SLC2A9: variants seen among roughly 807,000 people sequenced by gnomAD.
The protein encoded by SLC2A9 is solute carrier family 2, facilitated glucose transporter member 9.
SLC2A9 carries 39 observed loss-of-function variants against 50.6 expected under a neutral mutation model. That is an observed-to-expected ratio of 0.77 (90% CI 0.60 to 1.01). SLC2A9 has a LOEUF of 1.01. Ranked by LOEUF, SLC2A9 falls within the 50% of genes least tolerant of loss-of-function variation. SLC2A9 has a pLI of 0.00. For missense variants in SLC2A9, 686 were observed against 677.6 expected, an observed-to-expected ratio of 1.01 and a Z score of -0.14; for synonymous variants, 324 against 276.9, an observed-to-expected ratio of 1.17 and a Z score of -1.69.
intron 1 of SLC2A9, among the ~76,000 whole-genome samples, chr4:9,772,725 G>T (rs1194164652): frequency 6.6e-6 from 1 of 152,118 alleles, no homozygotes; most frequent in Admixed American, 6.5e-5. Context: ...AAAAAAACTT[G>T]ACCAATACAG....
At chr4:9,797,314 G>C (rs998515845), downstream of SLC2A9, among the ~76,000 whole-genome samples, 1 of 152,186 alleles carries the variant, frequency 6.6e-6, no homozygotes, top group Non-Finnish European at 1.5e-5. Context: ...ACTCAGAGAG[G>C]TTCAGTAATT....
rs149028152 is a variant in SLC2A9 at position 9,888,846 on chromosome 4, G to T, written c.1216-1204C>A. On this transcript the variant is annotated intron_variant, in intron 9 of 11. Coordinates refer to ENST00000264784, the MANE Select transcript of SLC2A9 (RefSeq NM_020041.3). ...CCTTGTTCTATGTCCAAATCCATTA[G>T]CTTTAGGGGTTGAGAGGAGCTTCAT... is the stretch of plus-strand genomic sequence containing the variant. Among the ~76,000 whole-genome samples, 118 of 152,236 alleles carry T rather than the reference G, an allele frequency of 7.8e-4. 2 individuals are homozygous for T. The East Asian group carries it at 0.019, about 24-fold the overall frequency.
downstream of SLC2A9, among the ~76,000 whole-genome samples, chr4:9,778,011 TG>T (rs1340626008): frequency 6.6e-6 from 1 of 152,138 alleles, no homozygotes; most frequent in African/African-American, 2.4e-5. Context: ...CAAACTGAAA[TG>T]TTTTACTTGC....
chr4:9,911,201 C>T lies in SLC2A9; in HGVS notation c.1003-2856G>A, dbSNP rs73225881. ...ATATTTAGTCTTATATTCATTCATG[C>T]ACCAAAAGGCAGAAATCAGTCCACA... On this transcript the variant is annotated intron_variant, in intron 7 of 11. Transcript: ENST00000264784. Among the ~76,000 whole-genome samples the T allele has an allele frequency of 5.4e-3, 829 of 152,210 alleles. 11 individuals are homozygous for T. The highest frequency in any genetic ancestry group is 8.6e-3 in the Non-Finnish European group (582 of 68,020).
intron 3 of SLC2A9, chr4:9,782,986 C>T (rs775320459): frequency 2.5e-6 from 4 of 1,614,226 alleles, no homozygotes; most frequent in Middle Eastern, 1.7e-4. Flanking sequence ...ACTGCATGGT[C>T]CCTTTCTGCA....
chr4:9,796,574 A>G (rs1051104249), downstream of SLC2A9, among the ~76,000 whole-genome samples: 1 of 152,206 alleles, frequency 6.6e-6, no homozygotes, highest in African/African-American at 2.4e-5. Flanking sequence ...AACTTTATAC[A>G]ATGTATTAGT....
intron 1 of SLC2A9, among the ~76,000 whole-genome samples, chr4:9,774,616 T>A (rs889281884): frequency 6.6e-6 from 1 of 152,176 alleles, no homozygotes; most frequent in Non-Finnish European, 1.5e-5. Flanking sequence ...TAGACATGTT[T>A]CAGCTAAAGG....
At chr4:9,985,872 C>T in intron 3 of SLC2A9, 79 bp from the exon 4 acceptor site, 1 of 1,599,144 alleles carries the variant, frequency 6.3e-7, no homozygotes, top group South Asian at 1.1e-5. Flanking sequence ...GGAGCAGGAG[C>T]CAGGCCCTTC....
intron 10 of SLC2A9, among the ~76,000 whole-genome samples, chr4:9,847,603 G>A (rs549751424): frequency 3.3e-5 from 5 of 152,316 alleles, no homozygotes; most frequent in African/African-American, 9.6e-5. Flanking sequence ...ACCCATGCTG[G>A]GGCATCAATG....
At chr4:9,839,843 G>A (rs1248421367) in intron 10 of SLC2A9, among the ~76,000 whole-genome samples, 1 of 152,086 alleles carries the variant, frequency 6.6e-6, no homozygotes, top group Non-Finnish European at 1.5e-5. Flanking sequence ...GGAAAACAGA[G>A]AGGATCAGGA....
intron 10 of SLC2A9, among the ~76,000 whole-genome samples, chr4:9,853,428 G>T (rs1400943493): frequency 3.3e-5 from 5 of 152,138 alleles, no homozygotes; most frequent in Non-Finnish European, 7.4e-5. Context: ...AATGATAAAT[G>T]ACTCAATTCA....
At chr4:9,821,950 T>G (rs1647109253), downstream of SLC2A9, among the ~76,000 whole-genome samples, 1 of 152,234 alleles carries the variant, frequency 6.6e-6, no homozygotes, top group African/African-American at 2.4e-5. Flanking sequence ...TTTTCTTGAG[T>G]GACTTTTGAT....
intron 7 of SLC2A9, among the ~76,000 whole-genome samples, chr4:9,916,883 CCAGA>C (rs1742944758): frequency 6.6e-6 from 1 of 152,252 alleles, no homozygotes; most frequent in African/African-American, 2.4e-5. Context: ...CTTTTCTCCC[CCAGA>C]CACTCAGGTG....
intron 3 of SLC2A9, among the ~76,000 whole-genome samples, chr4:9,818,898 G>T (rs1359480950): frequency 6.6e-6 from 1 of 151,890 alleles, no homozygotes; most frequent in Non-Finnish European, 1.5e-5. Context: ...TGGGGCGGGT[G>T]GATCACAAGG....
At chr4:9,996,302 G>C (rs529721749) in intron 3 of SLC2A9, among the ~76,000 whole-genome samples, 1 of 152,218 alleles carries the variant, frequency 6.6e-6, no homozygotes, top group East Asian at 1.9e-4. Context: ...ATGTACTTAC[G>C]TGGAACAATT....
intron 2 of SLC2A9, among the ~76,000 whole-genome samples, chr4:10,018,330 A>C (rs1026094949): frequency 6.6e-6 from 1 of 152,198 alleles, no homozygotes; most frequent in African/African-American, 2.4e-5. Context: ...GGATCGCTTG[A>C]GGCTGGGAGT....
intron 9 of SLC2A9, among the ~76,000 whole-genome samples, chr4:9,889,745 CA>C (rs1303246431): frequency 6.6e-6 from 1 of 152,172 alleles, no homozygotes; most frequent in Non-Finnish European, 1.5e-5. Flanking sequence ...AAAGATTAAT[CA>C]ATTGCTGCAA....
At chr4:9,975,849 G>A (rs1754703040) in intron 5 of SLC2A9, among the ~76,000 whole-genome samples, 1 of 152,156 alleles carries the variant, frequency 6.6e-6, no homozygotes, top group South Asian at 2.1e-4. Flanking sequence ...ATTAACTTAA[G>A]TGTCCATCAA....
Position 9,980,753 on chromosome 4 carries a change from A to C in SLC2A9, c.536-16T>G. Reference sequence around the variant, plus strand: ...AGGGCGACGCCTGTAGAGAGAAAGCATAGCAGCAGTTAGAGAGGTGTCTTC... The same window carrying C: ...AGGGCGACGCCTGTAGAGAGAAAGCCTAGCAGCAGTTAGAGAGGTGTCTTC... On this transcript the variant is annotated splice_polypyrimidine_tract_variant and intron_variant, in intron 4 of 11. Coordinates refer to ENST00000264784, the MANE Select transcript of SLC2A9 (RefSeq NM_020041.3). The C allele has an allele frequency of 6.2e-7, 1 of 1,614,196 alleles. No individual in the cohort carries two copies.
Sources: gnomAD v4.1 joint callset for allele counts (sites outside exome capture counted in the v4.1 genomes callset) on GRCh38, gnomAD v4.1.1 for gene constraint, MANE v1.5 for transcripts, NCBI Gene and HGNC (gene_info 2026-07-23, HGNC 2026-07-21) for gene names.